Variants in KIF13A observed in about 807,000 individuals in gnomAD.
The protein encoded by KIF13A is kinesin family member 13A, also known as kinesin-like protein KIF13A.
KIF13A carries 79 observed loss-of-function variants against 212.2 expected under a neutral mutation model. The observed-to-expected ratio is 0.37, with a 90% confidence interval of 0.31 to 0.45. KIF13A has a LOEUF of 0.45. Among genes scored for constraint, KIF13A ranks in the 20% least tolerant of loss-of-function variants. The pLI, the probability that KIF13A is intolerant of heterozygous loss-of-function variation, is 1.00. For missense variants in KIF13A, 1,901 were observed against 2,209.0 expected (o/e 0.86, Z 2.79); for synonymous variants, 789 against 808.6 (o/e 0.98, Z 0.41).
In KIF13A at chr6:17,814,698, G is replaced by C. The variant is rs181163907; in HGVS notation, c.2000+2322C>G. Among the ~76,000 whole-genome samples, 19 of 152,228 alleles carry C rather than the reference G, an allele frequency of 1.2e-4. No homozygotes were observed. The East Asian group carries it at 2.3e-3, about 19-fold the overall frequency. The stretch of plus-strand genomic sequence containing the variant: ...ACTGATTGCCTGACCTATAAGACAG[G>C]GATAATAGTTCCTATGGCATACTGC... On this transcript the variant is annotated intron_variant, in intron 17 of 38. Coordinates refer to ENST00000259711, the MANE Select transcript of KIF13A (RefSeq NM_022113.6).
Position 17,785,528 on chromosome 6 carries a change from C to T in KIF13A, c.3475G>A (p.Ala1159Thr). The part of the protein sequence containing the change: ...VPAPGSGIPG[A>T]PADWIPPPGM... ...GGGCAGCCTTACCAGTCGGCAGGTG[C>T]CCCAGGAATCCCACTGCCTGGGGCT... The change falls in exon 28 of 39, where the codon GCA becomes ACA. Residue 1159 changes from alanine to threonine, a missense_variant. By Grantham distance (58) the Ala-to-Thr change is moderately conservative (BLOSUM62 0). Transcript: ENST00000259711. The surrounding 1 kb of genome is among the most constrained non-coding windows in gnomAD (Gnocchi z 5.8). The T allele has an allele frequency of 6.3e-7, 1 of 1,580,876 alleles. No individual in the cohort carries two copies. The highest frequency in any genetic ancestry group is 8.6e-7 in the Non-Finnish European group (1 of 1,165,360).
intron 2 of KIF13A, among the ~76,000 whole-genome samples, chr6:17,940,073 C>G (rs1234387431): frequency 7.8e-6 from 1 of 128,648 alleles, no homozygotes; most frequent in African/African-American, 2.7e-5. Context: ...AAAAGATAGT[C>G]TCACCCACCA....
chr6:17,772,943 A>T lies in KIF13A; in HGVS notation c.4324+535T>A, dbSNP rs369331792. Among the ~76,000 whole-genome samples the T allele has an allele frequency of 1.2e-4, 19 of 152,216 alleles. No homozygotes were observed. In the East Asian group the frequency reaches 2.3e-3, roughly 19 times the overall value. ...TAGTATAATGGCGAATATACCTTATATTTTACCTACTAATATAAGGTATAA... is the reference window on the plus strand; with the variant it reads ...TAGTATAATGGCGAATATACCTTATTTTTTACCTACTAATATAAGGTATAA... On this transcript the variant is annotated intron_variant, in intron 36 of 38. Transcript: ENST00000259711. The surrounding 1 kb of genome is among the most constrained non-coding windows in gnomAD (Gnocchi z 4.8).
rs1169085477 is a variant in KIF13A, at chr6:17,834,741, G to A, written c.1156-670C>T. On this transcript the variant is annotated intron_variant, in intron 11 of 38. Coordinates refer to ENST00000259711, the MANE Select transcript of KIF13A (RefSeq NM_022113.6). The surrounding 1 kb of genome is among the most constrained non-coding windows in gnomAD (Gnocchi z 4.0). ...ATGCTTTGACACCTTAAAGTAACATGAGCCTCTACAAAGTTAAAACTCTAT... is the reference window on the plus strand; with the variant it reads ...ATGCTTTGACACCTTAAAGTAACATAAGCCTCTACAAAGTTAAAACTCTAT... Among the ~76,000 whole-genome samples the A allele has an allele frequency of 3.3e-5, 5 of 152,136 alleles. No homozygotes were observed. Among genetic ancestry groups the A allele is most frequent in the East Asian group, 1.9e-4 (1 of 5,182 alleles).
intron 20 of KIF13A, among the ~76,000 whole-genome samples, 187 bp downstream of exon 20, chr6:17,804,174 A>AC: frequency 2.0e-5 from 3 of 151,624 alleles, no homozygotes; most frequent in Admixed American, 6.6e-5. Context: ...AAACAAACAA[A>AC]ACCATGACTT....
At position 17,837,227 on chromosome 6, in the gene KIF13A, A is replaced by G. The variant is rs1418077733; in HGVS notation, c.943-137T>C. 4 of 812,122 alleles carry G rather than the reference A, an allele frequency of 4.9e-6. No homozygotes were observed. Among genetic ancestry groups the G allele is most frequent in the East Asian group, 2.5e-5 (1 of 39,970 alleles). 50.3% of individuals were successfully genotyped at this position (812,122 alleles called of 1,614,324 possible). A position where few individuals can be genotyped will look rare whatever the true frequency, so the allele number is the denominator to read the frequency against. ...GTGGAAATGGACTTGCATTTCACAA[A>G]TAACGTCATGACAAGATGAAATGTG... On this transcript the variant is annotated intron_variant, in intron 10 of 38. Transcript: ENST00000259711. The surrounding 1 kb of genome is among the most constrained non-coding windows in gnomAD (Gnocchi z 5.4).
chr6:17,775,109 T>G (rs895418132), intron 34 of KIF13A, 47 bp from the exon 35 acceptor site: 1 of 1,468,808 alleles, frequency 6.8e-7, no homozygotes, highest in East Asian at 2.4e-5. Context: ...ATATTTAATA[T>G]AAGGGGTTTT....
intron 2 of KIF13A, among the ~76,000 whole-genome samples, chr6:17,977,114 C>CAAAAAAAAAAAAAA (rs398000718): frequency 2.9e-4 from 31 of 106,628 alleles, no homozygotes; most frequent in East Asian, 5.7e-4. Context: ...AAAACAACAA[C>CAAAAAAAAAAAAAA]AAAAAAAAAA....
intron 2 of KIF13A, among the ~76,000 whole-genome samples, chr6:17,970,794 T>C (rs1323206595): frequency 1.3e-5 from 2 of 152,220 alleles, no homozygotes; most frequent in African/African-American, 2.4e-5. Flanking sequence ...AAAAGCCTTA[T>C]ATCCATTCAC....
intron 2 of KIF13A, among the ~76,000 whole-genome samples, chr6:17,920,338 G>T (rs1294900998): frequency 6.6e-6 from 1 of 152,148 alleles, no homozygotes; most frequent in Non-Finnish European, 1.5e-5. Flanking sequence ...GAAGGAGAGA[G>T]GATAGGAAGA....
intron 2 of KIF13A, among the ~76,000 whole-genome samples, chr6:17,930,918 G>T (rs1462968343): frequency 6.6e-6 from 1 of 152,198 alleles, no homozygotes; most frequent in Non-Finnish European, 1.5e-5. Context: ...CTTAAAAATT[G>T]TTCTCTGTAT....
intron 23 of KIF13A, among the ~76,000 whole-genome samples, chr6:17,796,146 T>C (rs987208178): frequency 6.6e-6 from 1 of 150,930 alleles, no homozygotes; most frequent in African/African-American, 2.4e-5. Context: ...TTGTCCAAAA[T>C]AACGGCAGCA....
At position 17,817,150 on chromosome 6, in the gene KIF13A, A is replaced by T; in HGVS notation, c.1870T>A (p.Tyr624Asn). ...RSALEEQRLM[Y>N]ERELEQLRQQ... ...CGGAGTTGCTCCAGTTCCCGCTCATACATGAGCCGCTGCTCCTCTAGGGCA... is the reference window on the plus strand; with the variant it reads ...CGGAGTTGCTCCAGTTCCCGCTCATTCATGAGCCGCTGCTCCTCTAGGGCA... Residue 624 changes from tyrosine (Y) to asparagine (N), a missense_variant, in exon 17 of 39, where the codon TAT becomes AAT. Physicochemically the swap from Tyr to Asn is moderately radical, Grantham distance 143. This residue lies in a region of KIF13A where 534 missense variants were observed against 536.9 expected (regional missense o/e 0.99). Transcript: ENST00000259711. 6.2e-7 allele frequency: 1 copy of T among 1,613,898 alleles called. No individual in the cohort carries two copies. Among genetic ancestry groups the T allele is most frequent in the Non-Finnish European group, 8.5e-7 (1 of 1,179,798 alleles).
chr6:17,909,134 T>C (rs1773796049), intron 2 of KIF13A, among the ~76,000 whole-genome samples: 1 of 152,234 alleles, frequency 6.6e-6, no homozygotes, highest in East Asian at 1.9e-4. Context: ...TCCTCAATTA[T>C]ACACGCAAAA....
Position 17,771,051 on chromosome 6 carries a change from TG to T in KIF13A, c.4581+62del. 1 of 1,023,094 alleles carries T rather than the reference TG, an allele frequency of 9.8e-7. No homozygotes were observed. Among genetic ancestry groups the T allele is most frequent in the Non-Finnish European group, 1.5e-6 (1 of 665,638 alleles). The allele number at this position is 1,023,094 out of a possible 1,614,324, so 63.4% of individuals were successfully genotyped here. ...TAATTTCTTCTAGCATTTGGATGATTGTCTGTGAAAGGGCCTTAAACCCACC... is the reference window on the plus strand; with the variant it reads ...TAATTTCTTCTAGCATTTGGATGATTTCTGTGAAAGGGCCTTAAACCCACC... On this transcript the variant is annotated intron_variant, in intron 38 of 38. Transcript: ENST00000259711. The surrounding 1 kb of genome is among the most constrained non-coding windows in gnomAD (Gnocchi z 5.4).
At position 17,987,041 on chromosome 6, in the gene KIF13A, G is replaced by A. The variant is rs371141398; in HGVS notation, c.146+13C>T. ...CTGGATCCTCCCAGCCGCCCTCTCG[G>A]AACCCGCTTTACCTTTCTCCCTGTT... is the stretch of plus-strand genomic sequence containing the variant. On this transcript the variant is annotated intron_variant, in intron 2 of 38. Coordinates refer to ENST00000259711, the MANE Select transcript of KIF13A (RefSeq NM_022113.6). The surrounding 1 kb of genome is among the most constrained non-coding windows in gnomAD (Gnocchi z 7.7). 613 of 1,608,952 alleles carry A rather than the reference G, an allele frequency of 3.8e-4. 12 individuals carry two copies. In the South Asian group the frequency reaches 6.4e-3, roughly 17 times the overall value.
intron 34 of KIF13A, among the ~76,000 whole-genome samples, chr6:17,775,662 A>T (rs935823132): frequency 6.6e-6 from 1 of 151,950 alleles, no homozygotes; most frequent in Non-Finnish European, 1.5e-5. Context: ...CAGGTTTTCT[A>T]TTTCTTCTTG....
chr6:17,853,715 A>G (rs1444575841), intron 6 of KIF13A, among the ~76,000 whole-genome samples: 22 of 152,246 alleles, frequency 1.4e-4, no homozygotes, highest in Admixed American at 1.4e-3. Context: ...ACAAATCACC[A>G]AAGAACACAT....
chr6:17,845,141 G>A (rs560053440), intron 9 of KIF13A, among the ~76,000 whole-genome samples: 16 of 152,096 alleles, frequency 1.1e-4, no homozygotes, highest in African/African-American at 3.9e-4. Context: ...AAGGAAAAGG[G>A]ATTTCCCCTT....
Sources: gnomAD v4.1 joint callset for allele counts (sites outside exome capture counted in the v4.1 genomes callset) on GRCh38, gnomAD v4.1.1 for gene constraint, gnomAD v4.1.1 regional missense constraint, Gnocchi (gnomAD v3.1) non-coding constraint, MANE v1.5 for transcripts, NCBI Gene and HGNC (gene_info 2026-07-23, HGNC 2026-07-21) for gene names.